PDE7A: variants seen among roughly 807,000 people sequenced by gnomAD.
PDE7A encodes high affinity 3',5'-cyclic-AMP phosphodiesterase 7A.
A neutral mutation model predicts 64.3 loss-of-function variants in PDE7A; 39 were observed. The observed-to-expected ratio is 0.61, with a 90% CI of 0.47 to 0.79. PDE7A has a LOEUF of 0.79. Ranked by LOEUF, PDE7A falls within the 30% of genes least tolerant of loss-of-function variation. The pLI is 0.00. For synonymous variants in PDE7A, 203 were observed against 206.8 expected (o/e 0.98, Z 0.16); for missense variants, 470 against 582.8 (o/e 0.81, Z 1.99).
At chr8:65,730,193 T>C (rs1351409926) in intron 7 of PDE7A, among the ~76,000 whole-genome samples, 5 of 137,076 alleles carry the variant, frequency 3.6e-5, no homozygotes, top group African/African-American at 1.4e-4. Flanking sequence ...TTTTTTTTTT[T>C]TTTTGAGATG....
intron 3 of PDE7A, among the ~76,000 whole-genome samples, chr8:65,773,810 A>C (rs1412921259): frequency 6.6e-6 from 1 of 151,988 alleles, no homozygotes; most frequent in Non-Finnish European, 1.5e-5. Context: ...TCTCCCACTA[A>C]AACGTCCCAT....
chr8:65,821,041 CA>C (rs1291884500), intron 1 of PDE7A, among the ~76,000 whole-genome samples: 1 of 152,126 alleles, frequency 6.6e-6, no homozygotes, highest in Non-Finnish European at 1.5e-5. Context: ...GCTTGGTCTG[CA>C]AATCAGTGTC....
At chr8:65,741,417 A>T (rs963583187) in intron 5 of PDE7A, among the ~76,000 whole-genome samples, 2 of 152,248 alleles carry the variant, frequency 1.3e-5, no homozygotes, top group Non-Finnish European at 2.9e-5. Context: ...TAACCTTGTT[A>T]TCTAAAACTG....
intron 7 of PDE7A, among the ~76,000 whole-genome samples, 188 bp downstream of exon 7, chr8:65,734,606 C>T (rs969326315): frequency 3.3e-5 from 5 of 152,164 alleles, no homozygotes; most frequent in Non-Finnish European, 5.9e-5. Context: ...TCTCAACAAC[C>T]ACCCAATTCT....
intron 1 of PDE7A, among the ~76,000 whole-genome samples, chr8:65,787,106 T>C (rs1164769096): frequency 1.3e-5 from 2 of 152,210 alleles, no homozygotes; most frequent in Non-Finnish European, 2.9e-5. Flanking sequence ...TTAAGTGTCA[T>C]TGTTTTTATT....
intron 1 of PDE7A, among the ~76,000 whole-genome samples, chr8:65,826,497 T>A (rs959189024): frequency 6.6e-6 from 1 of 152,188 alleles, no homozygotes; most frequent in Admixed American, 6.5e-5. Context: ...TAACTTCATA[T>A]AACATTCTAG....
intron 1 of PDE7A, among the ~76,000 whole-genome samples, chr8:65,840,975 T>A (rs1039804577): frequency 2.6e-5 from 4 of 151,926 alleles, no homozygotes; most frequent in African/African-American, 9.7e-5. Flanking sequence ...TACAGTTGTG[T>A]GTATGGGAAG....
intron 7 of PDE7A, 81 bp from the exon 8 acceptor site, chr8:65,727,382 G>T: frequency 6.4e-7 from 1 of 1,561,648 alleles, no homozygotes. Flanking sequence ...TGAATTAGCA[G>T]CCAATGGTAG....
chr8:65,747,474 C>T (rs1807726838), intron 4 of PDE7A, among the ~76,000 whole-genome samples, 178 bp downstream of exon 4: 1 of 152,062 alleles, frequency 6.6e-6, no homozygotes, highest in Non-Finnish European at 1.5e-5. Context: ...ATTTCCCTTG[C>T]TCTGTAATGG....
intron 6 of PDE7A, among the ~76,000 whole-genome samples, chr8:65,737,500 TATTA>T (rs1171967377): frequency 7.2e-5 from 11 of 152,182 alleles, no homozygotes; most frequent in Non-Finnish European, 1.5e-4. Context: ...AAAATGGTTA[TATTA>T]ATTATTATTA....
At chr8:65,786,450 G>A (rs1322646219) in intron 1 of PDE7A, among the ~76,000 whole-genome samples, 1 of 152,024 alleles carries the variant, frequency 6.6e-6, no homozygotes, top group East Asian at 1.9e-4. Flanking sequence ...AAGTAGGAAG[G>A]TAGAATAATC....
At chr8:65,758,580 G>A (rs942396131) in intron 3 of PDE7A, among the ~76,000 whole-genome samples, 8 of 152,160 alleles carry the variant, frequency 5.3e-5, no homozygotes, top group East Asian at 3.9e-4. Flanking sequence ...CACTTGTGAC[G>A]GTGAGTAAGC....
intron 3 of PDE7A, among the ~76,000 whole-genome samples, chr8:65,757,053 G>C (rs996632321): frequency 6.6e-6 from 1 of 152,150 alleles, no homozygotes; most frequent in Non-Finnish European, 1.5e-5. Flanking sequence ...CTATGTGGAG[G>C]CTCCCTGAAT....
At chr8:65,770,689 A>G (rs1159158912) in intron 3 of PDE7A, among the ~76,000 whole-genome samples, 1 of 152,250 alleles carries the variant, frequency 6.6e-6, no homozygotes, top group African/African-American at 2.4e-5. Flanking sequence ...TAACATTTAT[A>G]TATGATGACT....
chr8:65,723,759 T>A, intron 11 of PDE7A, 138 bp from the exon 12 acceptor site: 1 of 535,532 alleles, frequency 1.9e-6, no homozygotes, highest in East Asian at 3.7e-5. Context: ...CGCAATTAGT[T>A]CTTTTTAAAA....
At chr8:65,823,622 C>T (rs1371274792) in intron 1 of PDE7A, among the ~76,000 whole-genome samples, 1 of 152,108 alleles carries the variant, frequency 6.6e-6, no homozygotes, top group Admixed American at 6.5e-5. Flanking sequence ...TCCCATTCCA[C>T]ATTCTCAGGT....
chr8:65,791,555 T>C (rs1266986292), intron 1 of PDE7A, among the ~76,000 whole-genome samples: 2 of 152,226 alleles, frequency 1.3e-5, no homozygotes, highest in African/African-American at 2.4e-5. Context: ...AAACCTCCGA[T>C]TCTCAGCAGG....
At position 65,715,996 on chromosome 8, in the gene PDE7A, CAAAAAAAAAAA is replaced by C. The variant is rs779701295; in HGVS notation, c.*3283_*3293del. 2.4e-4 allele frequency among the ~76,000 whole-genome samples: 8 copies of C among 33,868 alleles called. No homozygotes were observed. Among genetic ancestry groups the C allele is most frequent in the South Asian group, 2.3e-3 (1 of 434 alleles). 22.2% of individuals were successfully genotyped at this position (33,868 alleles called of 152,430 possible). A position where few individuals can be genotyped will look rare whatever the true frequency, so the allele number is the denominator to read the frequency against. On this transcript the variant is annotated 3_prime_UTR_variant, in exon 13 of 13. Transcript: ENST00000401827. ...TGGGCGACAGAGCAAGGCTCTGTCT[CAAAAAAAAAAA>C]AAAAAAAAAAAAAAAAAATTAGCTG...
At chr8:65,789,095 A>G in intron 1 of PDE7A, 2 of 1,371,946 alleles carry the variant, frequency 1.5e-6, no homozygotes, top group Non-Finnish European at 1.9e-6. Flanking sequence ...AACAGTGATC[A>G]CCTGACTCCT....
Sources: gnomAD v4.1 joint callset for allele counts (sites outside exome capture counted in the v4.1 genomes callset) on GRCh38, gnomAD v4.1.1 for gene constraint, MANE v1.5 for transcripts, NCBI Gene and HGNC (gene_info 2026-07-23, HGNC 2026-07-21) for gene names.